Variants in PDE10A observed in about 807,000 individuals in gnomAD.
The protein encoded by PDE10A is phosphodiesterase 10A, also known as cAMP and cAMP-inhibited cGMP 3',5'-cyclic phosphodiesterase 10A.
A neutral mutation model predicts 97.7 loss-of-function variants in PDE10A; 39 were observed. That is an observed-to-expected ratio of 0.40 (90% CI 0.31 to 0.52). PDE10A has a LOEUF of 0.52. Among genes scored for constraint, PDE10A ranks in the 20% least tolerant of loss-of-function variants. The pLI, the probability that PDE10A is intolerant of heterozygous loss-of-function variation, is 0.56. For synonymous variants in PDE10A, 371 were observed against 376.8 expected, an observed-to-expected ratio of 0.98 and a Z score of 0.18; for missense variants, 731 against 1,047.8, an observed-to-expected ratio of 0.70 and a Z score of 4.17.
intron 1 of PDE10A, among the ~76,000 whole-genome samples, chr6:165,690,515 A>G (rs1234317940): frequency 6.6e-6 from 1 of 152,138 alleles, no homozygotes; most frequent in Admixed American, 6.5e-5. Context: ...AACTCTGGTC[A>G]TGCCCCTCCC....
At chr6:165,454,081 G>A (rs1289118988) in intron 3 of PDE10A, among the ~76,000 whole-genome samples, 1 of 152,208 alleles carries the variant, frequency 6.6e-6, no homozygotes, top group East Asian at 1.9e-4. Flanking sequence ...TGTTTCCTCT[G>A]TTGAGTTTTG....
At chr6:165,790,292 A>C (rs1249028010) in intron 1 of PDE10A, among the ~76,000 whole-genome samples, 1 of 152,192 alleles carries the variant, frequency 6.6e-6, no homozygotes, top group Non-Finnish European at 1.5e-5. Context: ...TTTCATGCTC[A>C]GTAAGATTCA....
chr6:165,492,465 C>A (rs1193958641), intron 2 of PDE10A, among the ~76,000 whole-genome samples: 2 of 152,024 alleles, frequency 1.3e-5, no homozygotes, highest in East Asian at 3.9e-4. Flanking sequence ...TCCTAGCTAA[C>A]CAAATCCAAC....
At chr6:165,862,497 C>T (rs1259324770) in intron 1 of PDE10A, among the ~76,000 whole-genome samples, 1 of 152,174 alleles carries the variant, frequency 6.6e-6, no homozygotes, top group Non-Finnish European at 1.5e-5. Flanking sequence ...ATCTGGTCAA[C>T]TCGACCACGT....
In PDE10A at chr6:165,450,399, T is replaced by C. The variant is rs750672921; in HGVS notation, c.1024-37A>G. On this transcript the variant is annotated intron_variant, in intron 3 of 21. Transcript: ENST00000539869. ...AAATAACAAAAATAAAAACAGAGTT[T>C]AAATAAAATATAACAAAAATTCCTT... 6.1e-6 allele frequency: 8 copies of C among 1,304,156 alleles called. No homozygotes were observed. The South Asian group carries it at 1.1e-4, about 18-fold the overall frequency. The allele number at this position is 1,304,156 out of a possible 1,614,324, so 80.8% of individuals were successfully genotyped here. A position where few individuals can be genotyped will look rare whatever the true frequency, so the allele number is the denominator to read the frequency against.
intron 2 of PDE10A, among the ~76,000 whole-genome samples, chr6:165,531,732 G>T (rs979961049): frequency 2.7e-5 from 4 of 150,450 alleles, no homozygotes; most frequent in Admixed American, 1.3e-4. Flanking sequence ...TCACAGAAAA[G>T]AATTATATAT....
At chr6:165,428,825 T>A in intron 9 of PDE10A, 116 bp from the exon 10 acceptor site, 1 of 517,274 alleles carries the variant, frequency 1.9e-6, no homozygotes, top group East Asian at 3.5e-5. Flanking sequence ...TAAAGATAAA[T>A]GTCATTTGAT....
chr6:165,365,883 T>C (rs1583123813), intron 18 of PDE10A, among the ~76,000 whole-genome samples: 1 of 152,114 alleles, frequency 6.6e-6, no homozygotes, highest in South Asian at 2.1e-4. Context: ...CAAATTATAA[T>C]GTACAAAAAA....
intron 18 of PDE10A, among the ~76,000 whole-genome samples, chr6:165,347,149 G>T (rs1177842957): frequency 1.3e-5 from 2 of 151,546 alleles, no homozygotes; most frequent in African/African-American, 4.9e-5. Flanking sequence ...AAATCATTGG[G>T]TTGAGTAATT....
chr6:165,447,540 G>A (rs73788391), intron 5 of PDE10A, among the ~76,000 whole-genome samples: 4,261 of 152,136 alleles, frequency 0.028, 196 homozygotes, highest in African/African-American at 0.095. Flanking sequence ...CATTCCACAC[G>A]TATCAGCCAA....
At chr6:165,894,922 A>G (rs1201805817) in intron 1 of PDE10A, among the ~76,000 whole-genome samples, 1 of 152,214 alleles carries the variant, frequency 6.6e-6, no homozygotes, top group Non-Finnish European at 1.5e-5. Flanking sequence ...TAAATATTTC[A>G]TATCCTACAA....
At chr6:165,728,636 A>G (rs1792354668) in intron 1 of PDE10A, among the ~76,000 whole-genome samples, 2 of 152,230 alleles carry the variant, frequency 1.3e-5, no homozygotes, top group Admixed American at 1.3e-4. Flanking sequence ...GACATGTTTT[A>G]GGCAAAAATG....
At chr6:165,798,047 T>A (rs1236223803) in intron 1 of PDE10A, among the ~76,000 whole-genome samples, 1 of 152,206 alleles carries the variant, frequency 6.6e-6, no homozygotes, top group African/African-American at 2.4e-5. Flanking sequence ...ATTGAAGAAA[T>A]GTTTATTGAA....
At chr6:165,953,924 C>G (rs574302891) in intron 1 of PDE10A, among the ~76,000 whole-genome samples, 2 of 152,342 alleles carry the variant, frequency 1.3e-5, no homozygotes, top group South Asian at 4.1e-4. Flanking sequence ...CTTCATCTCT[C>G]CATCCTCCCG....
chr6:165,734,555 A>C (rs943928366), intron 1 of PDE10A, among the ~76,000 whole-genome samples: 1 of 152,230 alleles, frequency 6.6e-6, no homozygotes, highest in African/African-American at 2.4e-5. Flanking sequence ...AGAACCAAAT[A>C]ACAGTTTCTA....
At chr6:165,858,288 C>T (rs1383884254) in intron 1 of PDE10A, among the ~76,000 whole-genome samples, 4 of 152,232 alleles carry the variant, frequency 2.6e-5, no homozygotes, top group Admixed American at 6.5e-5. Flanking sequence ...TCCTCAGGCC[C>T]TCAGCCCAGG....
chr6:165,457,052 A>G (rs931228050), intron 3 of PDE10A, among the ~76,000 whole-genome samples: 5 of 152,196 alleles, frequency 3.3e-5, no homozygotes, highest in African/African-American at 1.2e-4. Flanking sequence ...TGAAAGGCAA[A>G]GCTGAGGAGA....
chr6:165,972,707 C>G (rs75164436), intron 1 of PDE10A, among the ~76,000 whole-genome samples: 5 of 152,128 alleles, frequency 3.3e-5, no homozygotes, highest in Admixed American at 6.5e-5. Flanking sequence ...AAGGGACAAC[C>G]CTTCATCCAA....
At chr6:165,593,623 A>C (rs1213491416) in intron 1 of PDE10A, among the ~76,000 whole-genome samples, 1 of 152,196 alleles carries the variant, frequency 6.6e-6, no homozygotes, top group African/African-American at 2.4e-5. Context: ...TAATACTGAG[A>C]CATTACATTA....
Sources: allele counts gnomAD v4.1 joint callset (sites outside exome capture counted in the v4.1 genomes callset), GRCh38; gene constraint gnomAD v4.1.1; transcripts MANE v1.5; gene names NCBI Gene and HGNC (gene_info 2026-07-23, HGNC 2026-07-21).